The following PPP3CA variants were observed in gnomAD, a reference collection of about 807,000 sequenced individuals.
The protein encoded by PPP3CA is CAM-PRP catalytic subunit.
Under a neutral mutation model 66.5 loss-of-function variants are expected in PPP3CA, and 14 were observed. The ratio of observed to expected loss-of-function variants is 0.21; its 90% confidence interval spans 0.14 to 0.33. The LOEUF (loss-of-function observed/expected upper bound fraction) is 0.33, where lower values mean the gene tolerates loss of function less well. PPP3CA is among the 10% of genes least tolerant of loss of function. The probability of loss-of-function intolerance (pLI) is 1.00; values close to 1 mark genes in which losing one functional copy is unlikely to be tolerated. For missense variants in PPP3CA, 317 were observed against 639.5 expected (o/e 0.50, Z 5.44); for synonymous variants, 232 against 226.2 (o/e 1.03, Z -0.23).
Position 101,024,194 on chromosome 4 carries a change from G to A in PPP3CA, c.*1671C>T, listed in dbSNP as rs972058445. ...CAGTGGAAGTAGGCACCACCCCTCA[G>A]ATCACGAGGCCCCTAGGAAGAAGCC... On this transcript the variant is annotated 3_prime_UTR_variant, in exon 14 of 14. Transcript: ENST00000394854. 3 of 152,186 alleles carry A rather than the reference G, an allele frequency of 2.0e-5. No individual in the cohort carries two copies. The highest frequency in any genetic ancestry group is 4.4e-5 in the Non-Finnish European group (3 of 68,034). The allele number at this position is 152,186 out of a possible 1,614,324, so 9.4% of individuals were successfully genotyped here.
intron 8 of PPP3CA, 26 bp downstream of exon 8, chr4:101,080,506 T>A (rs1188709326): frequency 1.6e-6 from 2 of 1,240,962 alleles, no homozygotes; most frequent in Non-Finnish European, 2.2e-6. Context: ...TATGTAAGAC[T>A]GCAAGAGGTA....
At chr4:101,078,874 G>T (rs949238662) in intron 8 of PPP3CA, among the ~76,000 whole-genome samples, 17 of 152,162 alleles carry the variant, frequency 1.1e-4, no homozygotes, top group Non-Finnish European at 2.2e-4. Flanking sequence ...GGCAAGCAGA[G>T]AACATGTTTT....
rs1268849248 is a variant in PPP3CA, at chr4:101,039,941, TG to T, written c.1241+540del. Among the ~76,000 whole-genome samples, 5 of 146,008 alleles carry T rather than the reference TG, an allele frequency of 3.4e-5. 1 individual carries two copies. Among genetic ancestry groups the T allele is most frequent in the Non-Finnish European group, 7.7e-5 (5 of 64,924 alleles). ...CTGGAGTTTCCTTCAAGAAAATATT[TG>T]TTTTCTAAATTAATGCTTAATAATA... On this transcript the variant is annotated intron_variant, in intron 11 of 13. Transcript: ENST00000394854.
At chr4:101,315,427 C>T (rs1287547876) in intron 1 of PPP3CA, among the ~76,000 whole-genome samples, 1 of 152,144 alleles carries the variant, frequency 6.6e-6, no homozygotes, top group Non-Finnish European at 1.5e-5. Context: ...TGCCCAAGAT[C>T]ACATAATCAG....
intron 2 of PPP3CA, among the ~76,000 whole-genome samples, chr4:101,156,407 A>C (rs1723320841): frequency 6.6e-6 from 1 of 152,194 alleles, no homozygotes; most frequent in Admixed American, 6.5e-5. Flanking sequence ...CAGGCCAGGC[A>C]AAGTGGCTCC....
chr4:101,165,176 T>C (rs1170882368), intron 2 of PPP3CA, among the ~76,000 whole-genome samples: 3 of 152,182 alleles, frequency 2.0e-5, no homozygotes, highest in Non-Finnish European at 2.9e-5. Context: ...GTTTATTTCA[T>C]GTTGGATGAC....
chr4:101,049,187 T>C (rs777944582), intron 10 of PPP3CA, among the ~76,000 whole-genome samples: 4 of 152,192 alleles, frequency 2.6e-5, no homozygotes, highest in Non-Finnish European at 5.9e-5. Context: ...TAAGATGTTG[T>C]GTTCCGTCTG....
chr4:101,326,034 A>G (rs2850372), intron 1 of PPP3CA, among the ~76,000 whole-genome samples: 67,094 of 151,928 alleles, frequency 0.44, 17,431 homozygotes, highest in African/African-American at 0.72. Flanking sequence ...AGCTACTCAG[A>G]AGGCTGAAGC....
intron 1 of PPP3CA, among the ~76,000 whole-genome samples, chr4:101,228,891 G>C (rs1017878219): frequency 4.0e-5 from 6 of 151,696 alleles, no homozygotes; most frequent in Non-Finnish European, 7.4e-5. Flanking sequence ...AGTTTAGTTG[G>C]TGCTGTCCCA....
intron 1 of PPP3CA, among the ~76,000 whole-genome samples, chr4:101,307,568 T>C (rs931867757): frequency 9.2e-5 from 14 of 152,222 alleles, no homozygotes; most frequent in Non-Finnish European, 1.6e-4. Context: ...CTTGATTATG[T>C]AACAAATGGT....
chr4:101,310,859 C>A (rs1728699689), intron 1 of PPP3CA, among the ~76,000 whole-genome samples: 1 of 152,050 alleles, frequency 6.6e-6, no homozygotes, highest in African/African-American at 2.4e-5. Flanking sequence ...TGGCAATTCA[C>A]CTAAATGAAT....
intron 3 of PPP3CA, among the ~76,000 whole-genome samples, chr4:101,106,460 GAAAAGAAAAGAAAAGAAAA>G (rs1730739942): frequency 1.7e-4 from 4 of 23,460 alleles, no homozygotes; most frequent in African/African-American, 7.6e-4. Flanking sequence ...AAAGAGAAAA[GAAAAGAAAAGAAAAGAAAA>G]GAAAAGAAAA....
chr4:101,106,210 A>C (rs1340753483), intron 3 of PPP3CA, among the ~76,000 whole-genome samples: 1 of 151,338 alleles, frequency 6.6e-6, no homozygotes, highest in African/African-American at 2.4e-5. Flanking sequence ...AGTCCCAGCT[A>C]CTTGGGAGGC....
chr4:101,093,209 G>T (rs944025769), intron 6 of PPP3CA, among the ~76,000 whole-genome samples: 2 of 152,152 alleles, frequency 1.3e-5, no homozygotes, highest in Admixed American at 6.5e-5. Context: ...GACCAGTGAT[G>T]ATGAGCATTT....
chr4:101,134,267 G>C (rs765535176), intron 2 of PPP3CA, among the ~76,000 whole-genome samples: 1 of 151,600 alleles, frequency 6.6e-6, no homozygotes, highest in Non-Finnish European at 1.5e-5. Context: ...AAGAGCTTCT[G>C]CAGAGCAAAA....
At chr4:101,231,947 G>C (rs1725976355) in intron 1 of PPP3CA, among the ~76,000 whole-genome samples, 1 of 151,532 alleles carries the variant, frequency 6.6e-6, no homozygotes, top group South Asian at 2.1e-4. Flanking sequence ...AACTCCCACT[G>C]AATATTACCA....
At chr4:101,250,062 T>C (rs1430122573) in intron 1 of PPP3CA, among the ~76,000 whole-genome samples, 1 of 152,220 alleles carries the variant, frequency 6.6e-6, no homozygotes, top group Admixed American at 6.5e-5. Context: ...CAATGTTATT[T>C]AATAAATATT....
At chr4:101,096,525 G>A (rs1730202832) in intron 5 of PPP3CA, among the ~76,000 whole-genome samples, 1 of 152,148 alleles carries the variant, frequency 6.6e-6, no homozygotes, top group South Asian at 2.1e-4. Flanking sequence ...TCTATTCAGT[G>A]TATCAGTTTT....
intron 2 of PPP3CA, among the ~76,000 whole-genome samples, chr4:101,178,328 TTTTA>T (rs915968831): frequency 8.5e-5 from 13 of 152,258 alleles, no homozygotes; most frequent in African/African-American, 2.4e-4. Flanking sequence ...AATATTCAGA[TTTTA>T]TTTGTCAGTA....
Sources: gnomAD v4.1 joint callset for allele counts (sites outside exome capture counted in the v4.1 genomes callset) on GRCh38, gnomAD v4.1.1 for gene constraint, MANE v1.5 for transcripts, NCBI Gene and HGNC (gene_info 2026-07-23, HGNC 2026-07-21) for gene names.